Variants in CDH13 observed in about 807,000 individuals in gnomAD.
The protein encoded by CDH13 is cadherin 13, also known as cadherin-13.
In CDH13, 24 loss-of-function variants were observed where a neutral mutation model predicts 63.8. The ratio of observed to expected loss-of-function variants is 0.38; its 90% confidence interval spans 0.27 to 0.53. CDH13 has a LOEUF of 0.53. Ranked by LOEUF, CDH13 falls within the 20% of genes least tolerant of loss-of-function variation. CDH13 has a pLI of 0.85. For synonymous variants in CDH13, 503 were observed against 355.3 expected (o/e 1.42, Z -4.67); for missense variants, 1,049 against 903.1 (o/e 1.16, Z -2.07).
intron 1 of CDH13, among the ~76,000 whole-genome samples, chr16:82,722,426 G>A (rs1383000336): frequency 6.6e-6 from 1 of 152,150 alleles, no homozygotes; most frequent in East Asian, 1.9e-4. Context: ...GAGAGAGAGG[G>A]CTGCTATTAC....
chr16:83,538,674 G>A (rs191086714), intron 7 of CDH13, among the ~76,000 whole-genome samples: 25 of 152,310 alleles, frequency 1.6e-4, no homozygotes, highest in African/African-American at 6.0e-4. Context: ...CAGGGATGTG[G>A]ATGTAGGCAC....
At chr16:83,600,067 T>C (rs1216880444) in intron 7 of CDH13, among the ~76,000 whole-genome samples, 1 of 152,064 alleles carries the variant, frequency 6.6e-6, no homozygotes, top group Non-Finnish European at 1.5e-5. Flanking sequence ...ATAGATGGGA[T>C]TTCAAGCATC....
chr16:82,974,013 C>T (rs577037957), intron 2 of CDH13, among the ~76,000 whole-genome samples: 15 of 152,192 alleles, frequency 9.9e-5, no homozygotes, highest in East Asian at 3.9e-4. Context: ...TCTGCCTCCC[C>T]GGTTCTAGCG....
In CDH13 at chr16:82,866,537, A is replaced by T. The variant is rs144625550; in HGVS notation, c.157+8064A>T. ...CTGAGTAGCTGGGACTACAGGCATG[A>T]GCCACCATGCCTGGCTAATTTTTTG... On this transcript the variant is annotated intron_variant, in intron 2 of 13. Transcript: ENST00000567109. Among the ~76,000 whole-genome samples, 1,379 of 151,340 alleles carry T rather than the reference A, an allele frequency of 9.1e-3. 23 individuals are homozygous for T. The highest frequency in any genetic ancestry group is 0.032 in the African/African-American group (1,306 of 41,282).
chr16:82,632,310 T>G (rs1236539832), intron 1 of CDH13, among the ~76,000 whole-genome samples: 2 of 152,190 alleles, frequency 1.3e-5, no homozygotes, highest in Admixed American at 6.5e-5. Context: ...TTCTCAGTGA[T>G]GGACTATTTG....
At chr16:82,904,177 T>C (rs1343832663) in intron 2 of CDH13, among the ~76,000 whole-genome samples, 3 of 152,164 alleles carry the variant, frequency 2.0e-5, no homozygotes, top group Non-Finnish European at 4.4e-5. Context: ...TTGTAATAAA[T>C]ACAAACACCT....
intron 10 of CDH13, among the ~76,000 whole-genome samples, chr16:83,712,461 C>A (rs1375277112): frequency 1.3e-5 from 2 of 152,188 alleles, no homozygotes; most frequent in Non-Finnish European, 2.9e-5. Flanking sequence ...AAAATTCCCA[C>A]ATATTGCCTT....
chr16:82,648,044 G>C (rs1340787695), intron 1 of CDH13, among the ~76,000 whole-genome samples: 43 of 152,178 alleles, frequency 2.8e-4, no homozygotes, highest in Non-Finnish European at 1.5e-5. Context: ...GCTGCCATGT[G>C]AGACATGCCT....
At chr16:83,143,837 A>G (rs1353947411) in intron 4 of CDH13, among the ~76,000 whole-genome samples, 1 of 151,970 alleles carries the variant, frequency 6.6e-6, no homozygotes, top group African/African-American at 2.4e-5. Flanking sequence ...GCCTGACTCT[A>G]TTAAGATAAA....
intron 7 of CDH13, among the ~76,000 whole-genome samples, chr16:83,582,178 C>T (rs8054168): frequency 6.6e-6 from 1 of 151,930 alleles, no homozygotes; most frequent in Non-Finnish European, 1.5e-5. Flanking sequence ...AGGGCTGCTC[C>T]CAGCATTTTA....
At chr16:82,983,460 G>A (rs77910498) in intron 2 of CDH13, among the ~76,000 whole-genome samples, 3,729 of 152,254 alleles carry the variant, frequency 0.024, 70 homozygotes, top group Non-Finnish European at 0.04. Context: ...AGACCTGATG[G>A]TGAAGCCCAC....
chr16:83,240,672 G>T lies in CDH13; in HGVS notation c.636+23175G>T, dbSNP rs1350022283. Among the ~76,000 whole-genome samples, 31 of 3,248 alleles carry T rather than the reference G, an allele frequency of 9.5e-3. 1 individual carries two copies. Among genetic ancestry groups the T allele is most frequent in the African/African-American group, 0.027 (29 of 1,094 alleles). The allele number at this position is 3,248 out of a possible 152,430, so 2.1% of individuals were successfully genotyped here. A position where few individuals can be genotyped will look rare whatever the true frequency, so the allele number is the denominator to read the frequency against. On this transcript the variant is annotated intron_variant, in intron 5 of 13. Transcript: ENST00000567109. ...TTAAATATTTCAACTTTTTTAAATA[G>T]TAAAAAAAAAAAAAAAAACATGACT...
intron 3 of CDH13, among the ~76,000 whole-genome samples, chr16:83,052,371 T>G (rs1221104438): frequency 6.6e-6 from 1 of 152,226 alleles, no homozygotes; most frequent in African/African-American, 2.4e-5. Context: ...TTTTCATCTG[T>G]CCCTGAATTC....
At chr16:83,103,547 A>G (rs2034617763) in intron 3 of CDH13, among the ~76,000 whole-genome samples, 1 of 152,142 alleles carries the variant, frequency 6.6e-6, no homozygotes, top group East Asian at 1.9e-4. Flanking sequence ...TGCCCGGCTA[A>G]TTAAACTTTT....
intron 6 of CDH13, among the ~76,000 whole-genome samples, chr16:83,434,619 T>A (rs1278289384): frequency 6.6e-6 from 1 of 151,936 alleles, no homozygotes; most frequent in African/African-American, 2.4e-5. Flanking sequence ...TGTGCCACAG[T>A]GAGATACCAA....
chr16:83,353,271 A>C (rs2090992602), intron 6 of CDH13, among the ~76,000 whole-genome samples: 1 of 152,256 alleles, frequency 6.6e-6, no homozygotes, highest in Non-Finnish European at 1.5e-5. Context: ...ACTATGTCTG[A>C]AGGTCCTCTG....
At chr16:82,925,162 G>C (rs796703172) in intron 2 of CDH13, among the ~76,000 whole-genome samples, 4 of 152,236 alleles carry the variant, frequency 2.6e-5, no homozygotes, top group African/African-American at 9.6e-5. Flanking sequence ...CTGGCCCTCT[G>C]TCAGGGGCTG....
At chr16:82,840,684 C>CA (rs753429857) in intron 1 of CDH13, among the ~76,000 whole-genome samples, 1,705 of 86,448 alleles carry the variant, frequency 0.02, 42 homozygotes, top group African/African-American at 0.065. Context: ...GAATCCATCT[C>CA]AAAAAAAAAA....
intron 1 of CDH13, among the ~76,000 whole-genome samples, chr16:82,766,441 G>A (rs1429464133): frequency 1.3e-5 from 2 of 152,198 alleles, no homozygotes; most frequent in African/African-American, 4.8e-5. Context: ...GTGACAAAGT[G>A]CAAAGATGCC....
Sources: allele counts gnomAD v4.1 joint callset (sites outside exome capture counted in the v4.1 genomes callset), GRCh38; gene constraint gnomAD v4.1.1; transcripts MANE v1.5; gene names NCBI Gene and HGNC (gene_info 2026-07-23, HGNC 2026-07-21).